The following SGCD variants were observed in gnomAD, a reference collection of about 807,000 sequenced individuals.
SGCD encodes delta-sarcoglycan.
SGCD carries 18 observed loss-of-function variants against 36.6 expected under a neutral mutation model. The observed-to-expected ratio is 0.49, with a 90% CI of 0.34 to 0.73. SGCD has a LOEUF of 0.73. Ranked by LOEUF, SGCD falls within the 30% of genes least tolerant of loss-of-function variation. The pLI, the probability that SGCD is intolerant of heterozygous loss-of-function variation, is 0.01. For missense variants in SGCD, 387 were observed against 346.7 expected, an observed-to-expected ratio of 1.12 and a Z score of -0.92; for synonymous variants, 133 against 130.6, an observed-to-expected ratio of 1.02 and a Z score of -0.12.
chr5:156,026,847 T>C (rs912552228), intron 1 of SGCD, among the ~76,000 whole-genome samples: 1 of 152,128 alleles, frequency 6.6e-6, no homozygotes. Context: ...AAGGGCCAAA[T>C]AGTAAATATC....
chr5:156,410,369 A>G (rs1327246418), intron 3 of SGCD, among the ~76,000 whole-genome samples: 1 of 151,436 alleles, frequency 6.6e-6, no homozygotes, highest in Non-Finnish European at 1.5e-5. Context: ...AGAACAATAG[A>G]CACTGGGGGC....
chr5:156,592,428 C>T (rs1760761644), intron 5 of SGCD, among the ~76,000 whole-genome samples: 1 of 152,250 alleles, frequency 6.6e-6, no homozygotes, highest in Non-Finnish European at 1.5e-5. Context: ...ATAGCTACAT[C>T]TTAGCCTTTG....
chr5:155,860,275 G>C, the SGCD span, among the ~76,000 whole-genome samples: 6 of 152,168 alleles, frequency 3.9e-5, no homozygotes, highest in Admixed American at 2.0e-4. Flanking sequence ...TATTTTGGAA[G>C]GTTACCTGAA....
intron 1 of SGCD, among the ~76,000 whole-genome samples, chr5:155,892,043 T>C (rs749722607): frequency 1.3e-5 from 2 of 152,140 alleles, no homozygotes; most frequent in Non-Finnish European, 2.9e-5. Context: ...TTAAATGTGG[T>C]CATTGCTGAT....
intron 1 of SGCD, among the ~76,000 whole-genome samples, chr5:156,033,454 T>A (rs1431339085): frequency 6.6e-6 from 1 of 152,136 alleles, no homozygotes; most frequent in Non-Finnish European, 1.5e-5. Context: ...GTGTACCCAC[T>A]GTTTTGTCCC....
chr5:156,468,097 C>G (rs1183587666), intron 3 of SGCD, among the ~76,000 whole-genome samples: 1 of 151,876 alleles, frequency 6.6e-6, no homozygotes, highest in Non-Finnish European at 1.5e-5. Context: ...GCCTGTAATC[C>G]CAGCACTTCA....
intron 3 of SGCD, among the ~76,000 whole-genome samples, chr5:156,423,373 TTATTA>T (rs1773496875): frequency 1.0e-5 from 1 of 98,424 alleles, no homozygotes; most frequent in African/African-American, 4.7e-5. Flanking sequence ...ATATTATATT[TTATTA>T]TAATATAATA....
chr5:156,719,114 G>T (rs931620961), intron 7 of SGCD, among the ~76,000 whole-genome samples: 9 of 152,058 alleles, frequency 5.9e-5, no homozygotes, highest in Non-Finnish European at 1.3e-4. Flanking sequence ...AATAGAAAAA[G>T]ATTTATTTTA....
intron 1 of SGCD, among the ~76,000 whole-genome samples, chr5:155,891,397 C>G (rs1034367369): frequency 6.6e-6 from 1 of 151,966 alleles, no homozygotes; most frequent in African/African-American, 2.4e-5. Flanking sequence ...TTTTGCCATT[C>G]GTAAATTAAA....
At chr5:155,929,873 C>T (rs954542372) in intron 1 of SGCD, among the ~76,000 whole-genome samples, 6 of 152,146 alleles carry the variant, frequency 3.9e-5, no homozygotes, top group Non-Finnish European at 8.8e-5. Context: ...ATTCACTTTG[C>T]ACTTTCTACT....
intron 3 of SGCD, among the ~76,000 whole-genome samples, chr5:156,355,430 T>C (rs4704794): frequency 0.19 from 28,688 of 152,214 alleles, 2,933 homozygotes; most frequent in Middle Eastern, 0.26. Context: ...TCATTCTGTC[T>C]CATTTCTTCC....
chr5:155,750,300 G>A, the SGCD span, among the ~76,000 whole-genome samples: 1 of 152,188 alleles, frequency 6.6e-6, no homozygotes, highest in Admixed American at 6.5e-5. Flanking sequence ...TAGTTTTGTT[G>A]TGGGTGGATT....
chr5:156,428,206 C>G (rs1773761904), intron 3 of SGCD, among the ~76,000 whole-genome samples: 1 of 152,012 alleles, frequency 6.6e-6, no homozygotes, highest in South Asian at 2.1e-4. Context: ...ATTACTATTT[C>G]AATCTTGCTG....
At chr5:156,656,986 T>A (rs1281722609) in intron 7 of SGCD, among the ~76,000 whole-genome samples, 1 of 152,176 alleles carries the variant, frequency 6.6e-6, no homozygotes, top group East Asian at 1.9e-4. Context: ...TGTGTATCAT[T>A]GGGAAACAAG....
chr5:155,770,850 TAGTA>T, the SGCD span, among the ~76,000 whole-genome samples: 1 of 152,198 alleles, frequency 6.6e-6, no homozygotes, highest in Admixed American at 6.5e-5. Flanking sequence ...GTAACTTTCT[TAGTA>T]ATCTCCTATT....
At chr5:156,571,380 G>A (rs1210453216) in intron 4 of SGCD, among the ~76,000 whole-genome samples, 1 of 151,854 alleles carries the variant, frequency 6.6e-6, no homozygotes, top group Non-Finnish European at 1.5e-5. Flanking sequence ...ATTTTTTTTG[G>A]TCTTTCTTTC....
chr5:156,187,125 T>C (rs1763780145), intron 3 of SGCD, among the ~76,000 whole-genome samples: 1 of 152,196 alleles, frequency 6.6e-6, no homozygotes, highest in African/African-American at 2.4e-5. Flanking sequence ...AGATTAGTTC[T>C]ACAACAAAAC....
At chr5:156,329,835 G>T (rs1398338433) in intron 2 of SGCD, among the ~76,000 whole-genome samples, 1 of 151,924 alleles carries the variant, frequency 6.6e-6, no homozygotes, top group East Asian at 1.9e-4. Context: ...GGCTAACACG[G>T]TGAAATCCCA....
chr5:156,381,792 C>T (rs1308342076), intron 3 of SGCD, among the ~76,000 whole-genome samples: 1 of 152,102 alleles, frequency 6.6e-6, no homozygotes, highest in African/African-American at 2.4e-5. Context: ...GGACAGTCCG[C>T]TCAAAGCTGG....
Sources: gnomAD v4.1 joint callset for allele counts (sites outside exome capture counted in the v4.1 genomes callset) on GRCh38, gnomAD v4.1.1 for gene constraint, MANE v1.5 for transcripts, NCBI Gene and HGNC (gene_info 2026-07-23, HGNC 2026-07-21) for gene names.